The following GLDC variants were observed in gnomAD, a reference collection of about 807,000 sequenced individuals.
GLDC encodes glycine decarboxylase, also known as glycine dehydrogenase (decarboxylating), mitochondrial.
A neutral mutation model predicts 121.3 loss-of-function variants in GLDC; 104 were observed. The observed-to-expected ratio is 0.86, with a 90% CI of 0.73 to 1.01. The LOEUF is 1.01. GLDC is among the 50% of genes least tolerant of loss of function. The pLI is 0.00. For missense variants in GLDC, 1,429 were observed against 1,306.6 expected, an observed-to-expected ratio of 1.09 and a Z score of -1.44; for synonymous variants, 546 against 480.6, an observed-to-expected ratio of 1.14 and a Z score of -1.78.
intron 22 of GLDC, among the ~76,000 whole-genome samples, chr9:6,539,811 T>G (rs1817217756): frequency 6.6e-6 from 1 of 152,196 alleles, no homozygotes; most frequent in South Asian, 2.1e-4. Context: ...ATTTTAATCT[T>G]AAACACTTTT....
chr9:6,556,793 C>CAAA, intron 17 of GLDC, among the ~76,000 whole-genome samples: 1 of 138,506 alleles, frequency 7.2e-6, no homozygotes, highest in Non-Finnish European at 1.6e-5. Context: ...GACTCCACGT[C>CAAA]AAAAAAAAAA....
intron 2 of GLDC, among the ~76,000 whole-genome samples, chr9:6,624,785 C>G (rs914912697): frequency 1.3e-5 from 2 of 151,974 alleles, no homozygotes; most frequent in African/African-American, 4.8e-5. Flanking sequence ...TCAAGGAGTT[C>G]AAGACCAGCC....
chr9:6,579,224 T>G lies in GLDC; in HGVS notation c.1850+7917A>C, dbSNP rs1056423253. The stretch of plus-strand genomic sequence containing the variant: ...ATCAGTTTTTGTATTTATTAATCCT[T>G]GTGACTATTTTATCTTCTAGGTCAT... On this transcript the variant is annotated intron_variant, in intron 15 of 24. Coordinates refer to ENST00000321612, the MANE Select transcript of GLDC (RefSeq NM_000170.3). Among the ~76,000 whole-genome samples the G allele has an allele frequency of 8.5e-5, 13 of 152,198 alleles. 1 individual carries two copies. The highest frequency in any genetic ancestry group is 2.2e-4 in the African/African-American group (9 of 41,464).
intron 15 of GLDC, among the ~76,000 whole-genome samples, chr9:6,586,642 G>C (rs1421555489): frequency 6.6e-6 from 1 of 152,160 alleles, no homozygotes; most frequent in Non-Finnish European, 1.5e-5. Flanking sequence ...TAGTAAGCTA[G>C]CTTCCAAAGA....
chr9:6,635,326 A>G (rs1819479343), intron 2 of GLDC, among the ~76,000 whole-genome samples: 1 of 152,196 alleles, frequency 6.6e-6, no homozygotes, highest in South Asian at 2.1e-4. Flanking sequence ...ATAGTACCTT[A>G]ATAACCCACT....
At chr9:6,603,387 T>G (rs1477285151) in intron 7 of GLDC, among the ~76,000 whole-genome samples, 1 of 151,878 alleles carries the variant, frequency 6.6e-6, no homozygotes, top group Non-Finnish European at 1.5e-5. Context: ...GAGGCTGGGG[T>G]GGGCAGATCA....
At chr9:6,538,694 A>G (rs1817189668) in intron 22 of GLDC, among the ~76,000 whole-genome samples, 1 of 152,220 alleles carries the variant, frequency 6.6e-6, no homozygotes, top group South Asian at 2.1e-4. Context: ...TGGTGACTTC[A>G]GTTACCACCT....
chr9:6,569,905 G>A (rs994394705), intron 15 of GLDC, among the ~76,000 whole-genome samples: 1 of 152,022 alleles, frequency 6.6e-6, no homozygotes, highest in Non-Finnish European at 1.5e-5. Context: ...AAAGCAAGGA[G>A]GTGGAGGCTG....
intron 11 of GLDC, among the ~76,000 whole-genome samples, chr9:6,591,382 G>C (rs375594758): frequency 3.9e-5 from 6 of 152,144 alleles, no homozygotes; most frequent in African/African-American, 9.7e-5. Context: ...TCTTAAGCTT[G>C]TTTATCTGAA....
At chr9:6,574,676 A>T (rs1818030062) in intron 15 of GLDC, among the ~76,000 whole-genome samples, 1 of 152,098 alleles carries the variant, frequency 6.6e-6, no homozygotes, top group Admixed American at 6.6e-5. Context: ...ACATTTCCCG[A>T]AAGACGGCTC....
chr9:6,628,244 G>C (rs1819288342), intron 2 of GLDC, among the ~76,000 whole-genome samples: 1 of 152,200 alleles, frequency 6.6e-6, no homozygotes. Flanking sequence ...TTTTCCTCCT[G>C]AGTAGTAAAA....
Position 6,645,340 on chromosome 9 carries a change from C to T in GLDC, c.160G>A (p.Glu54Lys). Reference sequence around the variant, plus strand: ...TCGTCGTGTCTGGGCAGAAGGCGCTCCAGGAGGCGCGAGGCCCCAGCCGCG... The same window carrying T: ...TCGTCGTGTCTGGGCAGAAGGCGCTTCAGGAGGCGCGAGGCCCCAGCCGCG... Reference protein sequence around the residue: ...SAAAGASRLLERLLPRHDDFA... With the variant: ...SAAAGASRLLKRLLPRHDDFA... The change falls in exon 1 of 25, where the codon GAG becomes AAG. Residue 54 changes from glutamate to lysine, a missense_variant. Glu to Lys is a moderately conservative substitution (Grantham distance 56). Coordinates refer to ENST00000321612, the MANE Select transcript of GLDC (RefSeq NM_000170.3). 6.4e-7 allele frequency: 1 copy of T among 1,551,984 alleles called. No homozygotes were observed. Among genetic ancestry groups the T allele is most frequent in the Non-Finnish European group, 8.7e-7 (1 of 1,152,774 alleles).
rs1818463744 is a variant in GLDC at position 6,595,018 on chromosome 9, T to C, written c.1257A>G (p.Ser419=). 1 of 1,577,022 alleles carries C rather than the reference T, an allele frequency of 6.3e-7. No homozygotes were observed. The highest frequency in any genetic ancestry group is 1.3e-5 in the African/African-American group (1 of 74,302). ...TTAGACAGATTACCAACTCACCTTC[T>C]GACAAAATCAAAGTGGCATTATGTA... ...RRVHNATLIL[S]EGLKRAGHQL... is the part of the protein sequence containing the mutation. Residue 419 remains serine, a synonymous_variant, in exon 9 of 25, where the codon TCA becomes TCG. Transcript: ENST00000321612.
intron 5 of GLDC, 35 bp from the exon 6 acceptor site, chr9:6,605,313 T>C (rs1352494632): frequency 6.2e-7 from 1 of 1,610,164 alleles, no homozygotes; most frequent in Non-Finnish European, 8.5e-7. Context: ...AATCGTGCTT[T>C]CGGTTTATAA....
At chr9:6,620,761 C>T (rs1819075915) in intron 2 of GLDC, among the ~76,000 whole-genome samples, 1 of 152,240 alleles carries the variant, frequency 6.6e-6, no homozygotes, top group African/African-American at 2.4e-5. Context: ...ACATAATCTA[C>T]ATTTTCTCTA....
In GLDC at chr9:6,642,082, AAC is replaced by A. The variant is rs1210887482; in HGVS notation, c.334+2530_334+2531del. Among the ~76,000 whole-genome samples, 6 of 152,104 alleles carry A rather than the reference AAC, an allele frequency of 3.9e-5. No homozygotes were observed. In the East Asian group the frequency reaches 1.2e-3, roughly 29 times the overall value. On this transcript the variant is annotated intron_variant, in intron 2 of 24. Transcript: ENST00000321612. The stretch of plus-strand genomic sequence containing the variant: ...CAGATGCATCCTCCTCCACTCTCCC[AAC>A]ACCCCCAGCTCACTATTCCAAGAAA...
At chr9:6,573,778 G>A (rs888604725) in intron 15 of GLDC, among the ~76,000 whole-genome samples, 1 of 152,132 alleles carries the variant, frequency 6.6e-6, no homozygotes, top group African/African-American at 2.4e-5. Flanking sequence ...AACCACTGTC[G>A]AAATGACCCA....
chr9:6,554,659 C>T lies in GLDC; in HGVS notation c.2315+10G>A. 14 of 1,585,974 alleles carry T rather than the reference C, an allele frequency of 8.8e-6. No individual in the cohort carries two copies. Among genetic ancestry groups the T allele is most frequent in the Non-Finnish European group, 1.2e-5 (14 of 1,157,028 alleles). ...CAAAGCCATCCTGAAACCAGCAGCC[C>T]AGAACTTACACTCCGATGGGCCCCA... On this transcript the variant is annotated intron_variant, in intron 19 of 24. Coordinates refer to ENST00000321612, the MANE Select transcript of GLDC (RefSeq NM_000170.3).
intron 22 of GLDC, 80 bp from the exon 23 acceptor site, chr9:6,536,316 T>A: frequency 8.7e-7 from 1 of 1,150,394 alleles, no homozygotes; most frequent in South Asian, 1.3e-5. Flanking sequence ...GTATCCCTTC[T>A]TATATTTTAT....
Sources: gnomAD v4.1 joint callset for allele counts (sites outside exome capture counted in the v4.1 genomes callset) on GRCh38, gnomAD v4.1.1 for gene constraint, MANE v1.5 for transcripts, NCBI Gene and HGNC (gene_info 2026-07-23, HGNC 2026-07-21) for gene names.